The following LRRC9 variants were observed in gnomAD, a reference collection of about 807,000 sequenced individuals.
LRRC9 encodes leucine rich repeat containing 9.
LRRC9 carries 122 observed loss-of-function variants against 63.2 expected under a neutral mutation model. The observed-to-expected ratio is 1.93, with a 90% CI of 1.67 to 2.24. The LOEUF is 2.24. Among genes scored for constraint, LRRC9 ranks in the 30% most tolerant of loss-of-function variants. LRRC9 has a pLI of 0.00. For synonymous variants in LRRC9, 366 were observed against 213.1 expected, an observed-to-expected ratio of 1.72 and a Z score of -6.25; for missense variants, 1,071 against 627.7, an observed-to-expected ratio of 1.71 and a Z score of -7.55.
intron 29 of LRRC9, among the ~76,000 whole-genome samples, chr14:60,037,726 C>T (rs946387300): frequency 2.6e-5 from 4 of 152,208 alleles, no homozygotes; most frequent in Non-Finnish European, 4.4e-5. Context: ...TGCCTGTTCA[C>T]TCTGATGGTA....
intron 12 of LRRC9, among the ~76,000 whole-genome samples, chr14:59,968,696 A>G (rs1253805385): frequency 6.6e-6 from 1 of 152,234 alleles, no homozygotes; most frequent in Non-Finnish European, 1.5e-5. Flanking sequence ...CATTCGGTCC[A>G]GAGAACTATG....
intron 1 of LRRC9, among the ~76,000 whole-genome samples, chr14:59,924,388 C>A (rs1282015416): frequency 6.6e-6 from 1 of 152,158 alleles, no homozygotes; most frequent in Non-Finnish European, 1.5e-5. Flanking sequence ...TCTTGACTGG[C>A]TTCTCTTGCA....
chr14:59,955,213 G>C (rs1490500747), intron 8 of LRRC9, among the ~76,000 whole-genome samples: 1 of 152,150 alleles, frequency 6.6e-6, no homozygotes, highest in Non-Finnish European at 1.5e-5. Context: ...GTTTCAGAAG[G>C]AATGGTACCA....
chr14:60,038,802 T>C (rs1892679436), intron 29 of LRRC9, among the ~76,000 whole-genome samples: 1 of 152,228 alleles, frequency 6.6e-6, no homozygotes, highest in Non-Finnish European at 1.5e-5. Context: ...TCCAACACTA[T>C]GTTGAATAGG....
chr14:60,029,435 A>G (rs941553706), intron 28 of LRRC9, among the ~76,000 whole-genome samples: 2 of 152,120 alleles, frequency 1.3e-5, no homozygotes, highest in Non-Finnish European at 2.9e-5. Context: ...ACTTGAAATT[A>G]CGTGACATTT....
intron 29 of LRRC9, among the ~76,000 whole-genome samples, chr14:60,041,079 T>C (rs1892904251): frequency 6.6e-6 from 1 of 151,964 alleles, no homozygotes; most frequent in South Asian, 2.1e-4. Flanking sequence ...GAATGTTGAA[T>C]ATTGGTCCCC....
At chr14:60,039,585 T>C (rs1175226566) in intron 29 of LRRC9, among the ~76,000 whole-genome samples, 2 of 152,358 alleles carry the variant, frequency 1.3e-5, no homozygotes, top group East Asian at 3.9e-4. Context: ...CAGTAGTTTG[T>C]ATTTCTGTGG....
At chr14:59,946,214 T>C (rs1882369146) in intron 8 of LRRC9, among the ~76,000 whole-genome samples, 1 of 151,268 alleles carries the variant, frequency 6.6e-6, no homozygotes, top group Non-Finnish European at 1.5e-5. Context: ...ACCAAGGTTT[T>C]GAAATATATT....
intron 8 of LRRC9, among the ~76,000 whole-genome samples, chr14:59,945,535 T>G (rs185292120): frequency 1.4e-3 from 211 of 152,054 alleles, no homozygotes; most frequent in African/African-American, 4.6e-3. Flanking sequence ...GATATATTTA[T>G]CTGATCTCAG....
In LRRC9 at chr14:60,041,991, C is replaced by G. The variant is rs145498981; in HGVS notation, c.3990+9928C>G. ...ACGGTCAGGACCCTCAGCTGCAGGT[C>G]TGTTGGAGTTTGCTGGAGGTCCACT... On this transcript the variant is annotated intron_variant, in intron 29 of 31. Transcript: ENST00000445360. 1.1e-4 allele frequency among the ~76,000 whole-genome samples: 16 copies of G among 152,344 alleles called. No individual in the cohort carries two copies. In the East Asian group the frequency reaches 2.7e-3, roughly 26 times the overall value.
intron 12 of LRRC9, among the ~76,000 whole-genome samples, chr14:59,968,564 C>T (rs565498958): frequency 1.7e-4 from 26 of 152,292 alleles, no homozygotes; most frequent in South Asian, 8.3e-4. Context: ...TGCAGCAGCT[C>T]AGGCCATAGA....
chr14:60,037,034 C>T (rs539463093), intron 29 of LRRC9, among the ~76,000 whole-genome samples: 27 of 152,154 alleles, frequency 1.8e-4, no homozygotes, highest in Admixed American at 3.9e-4. Context: ...TCTGTCCTTG[C>T]GATAGTTTGC....
At chr14:60,008,976 A>G (rs571462089) in intron 23 of LRRC9, among the ~76,000 whole-genome samples, 1 of 152,150 alleles carries the variant, frequency 6.6e-6, no homozygotes, top group African/African-American at 2.4e-5. Context: ...AACACATACA[A>G]ATTCTCTAGA....
intron 17 of LRRC9, among the ~76,000 whole-genome samples, chr14:59,992,407 C>T (rs999361839): frequency 3.9e-5 from 6 of 152,228 alleles, no homozygotes; most frequent in African/African-American, 1.4e-4. Flanking sequence ...CAGAGCGCCT[C>T]TTCTCGTCCA....
chr14:60,009,356 A>G (rs1890071742), intron 23 of LRRC9, among the ~76,000 whole-genome samples: 1 of 152,192 alleles, frequency 6.6e-6, no homozygotes, highest in African/African-American at 2.4e-5. Flanking sequence ...GGAAGCGTAA[A>G]GTCATGTCTT....
chr14:59,960,006 A>G (rs1218895490), exon 9 of LRRC9: 3 of 662,156 alleles, frequency 4.5e-6, no homozygotes, highest in Admixed American at 4.8e-5. Flanking sequence ...GGAACAAAAA[A>G]CTAGATGAGT....
At chr14:60,064,184 T>C (rs1894817603), downstream of LRRC9, among the ~76,000 whole-genome samples, 4 of 152,220 alleles carry the variant, frequency 2.6e-5, no homozygotes, top group Admixed American at 2.6e-4. Context: ...CACTGAACTT[T>C]TCTAAACTAT....
At chr14:60,009,433 G>C (rs531729844) in intron 23 of LRRC9, among the ~76,000 whole-genome samples, 2 of 152,288 alleles carry the variant, frequency 1.3e-5, no homozygotes, top group African/African-American at 4.8e-5. Flanking sequence ...GATCTCATGA[G>C]ACTTATTCAC....
At chr14:59,921,856 C>G (rs574743461) in intron 1 of LRRC9, among the ~76,000 whole-genome samples, 1 of 151,062 alleles carries the variant, frequency 6.6e-6, no homozygotes, top group African/African-American at 2.4e-5. Context: ...GAAGCCGAGG[C>G]GGGTGGATCA....
Sources: allele counts gnomAD v4.1 joint callset (sites outside exome capture counted in the v4.1 genomes callset), GRCh38; gene constraint gnomAD v4.1.1; transcripts MANE v1.5; gene names NCBI Gene and HGNC (gene_info 2026-07-23, HGNC 2026-07-21).